The following CHSY3 variants were observed in gnomAD, a reference collection of about 807,000 sequenced individuals.
CHSY3 encodes the protein N-acetylgalactosaminyl-proteoglycan 3-beta-glucuronosyltransferase 3.
CHSY3 carries 35 observed loss-of-function variants against 67.2 expected under a neutral mutation model. The ratio of observed to expected loss-of-function variants is 0.52; its 90% CI spans 0.40 to 0.69. The LOEUF is 0.69. Ranked by LOEUF, CHSY3 falls within the 30% of genes least tolerant of loss-of-function variation. The pLI is 0.00. For synonymous variants in CHSY3, 474 were observed against 434.7 expected (o/e 1.09, Z -1.12); for missense variants, 1,069 against 1,138.5 (o/e 0.94, Z 0.88).
intron 2 of CHSY3, among the ~76,000 whole-genome samples, chr5:130,158,885 G>A (rs926708681): frequency 2.6e-5 from 4 of 151,948 alleles, no homozygotes; most frequent in South Asian, 2.1e-4. Context: ...CTGCAGCCTC[G>A]ACCTCCTAGG....
intron 2 of CHSY3, among the ~76,000 whole-genome samples, chr5:129,946,304 T>G (rs1344669717): frequency 6.6e-6 from 1 of 152,156 alleles, no homozygotes; most frequent in Non-Finnish European, 1.5e-5. Flanking sequence ...GTAAGCACAT[T>G]TCCAAAAAGG....
At chr5:130,100,353 T>C (rs1256698045) in intron 2 of CHSY3, among the ~76,000 whole-genome samples, 1 of 37,344 alleles carries the variant, frequency 2.7e-5, no homozygotes, top group Non-Finnish European at 4.8e-5. Flanking sequence ...CTTGGCTATT[T>C]TTTTTTTTTT....
At chr5:129,979,199 C>CAAAAAAAAAAAAAAAA (rs58584381) in intron 2 of CHSY3, among the ~76,000 whole-genome samples, 5 of 62,524 alleles carry the variant, frequency 8.0e-5, no homozygotes, top group Admixed American at 2.5e-4. Context: ...GACTCCGTCT[C>CAAAAAAAAAAAAAAAA]AAAAAAAAAA....
chr5:130,163,142 G>A (rs1426549026), intron 2 of CHSY3, among the ~76,000 whole-genome samples: 1 of 151,984 alleles, frequency 6.6e-6, no homozygotes, highest in African/African-American at 2.4e-5. Context: ...CAAAAGTAAT[G>A]TCTAAGTTAG....
In CHSY3 at chr5:130,185,605, A is replaced by C. The variant is rs777828440; in HGVS notation, c.2463A>C (p.Pro821=). The C allele has an allele frequency of 6.2e-6, 10 of 1,614,044 alleles. No homozygotes were observed. In the East Asian group the frequency reaches 2.2e-4, roughly 36 times the overall value. Residue 821 remains proline (P), a synonymous_variant, in exon 3 of 3, where the codon CCA becomes CCC. Coordinates refer to ENST00000305031, the MANE Select transcript of CHSY3 (RefSeq NM_175856.5). The part of the protein sequence containing the change: ...YNKVILSGLR[P]FRSQEVGVVH... ...AAGTCATTCTATCTGGCTTAAGGCC[A>C]TTCAGAAGCCAAGAAGTAGGAGTGG...
At chr5:130,025,681 G>C (rs140124211) in intron 2 of CHSY3, among the ~76,000 whole-genome samples, 191 of 152,148 alleles carry the variant, frequency 1.3e-3, no homozygotes, top group African/African-American at 4.5e-3. Flanking sequence ...ATAGACAGCT[G>C]TCTTTGGGCT....
At chr5:129,992,871 C>T (rs1763409777) in intron 2 of CHSY3, among the ~76,000 whole-genome samples, 1 of 152,140 alleles carries the variant, frequency 6.6e-6, no homozygotes. Flanking sequence ...AAGTTGTGTA[C>T]TAAAGCAGTA....
chr5:130,014,797 GC>G (rs1374655763), intron 2 of CHSY3, among the ~76,000 whole-genome samples: 1 of 152,066 alleles, frequency 6.6e-6, no homozygotes, highest in Non-Finnish European at 1.5e-5. Context: ...ATCAGCCCCA[GC>G]AAAAATTTCA....
At chr5:129,920,365 C>T (rs3961629) in intron 2 of CHSY3, among the ~76,000 whole-genome samples, 71 of 152,340 alleles carry the variant, frequency 4.7e-4, no homozygotes, top group African/African-American at 1.7e-3. Context: ...CCTGCCTCAG[C>T]CTCCTGAGTA....
rs115466627 is a variant in CHSY3, at chr5:129,939,865, C to G, written c.1086+31505C>G. 9.9e-3 allele frequency among the ~76,000 whole-genome samples: 1,514 copies of G among 152,208 alleles called. 24 individuals are homozygous for G. Among genetic ancestry groups the G allele is most frequent in the African/African-American group, 0.034 (1,429 of 41,544 alleles). Reference sequence around the variant, plus strand: ...TCTGAGGATATAAAGACATAATGATCAGACATATCTCAAAATTCTGATTAT... The same window carrying G: ...TCTGAGGATATAAAGACATAATGATGAGACATATCTCAAAATTCTGATTAT... On this transcript the variant is annotated intron_variant, in intron 2 of 2. Coordinates refer to ENST00000305031, the MANE Select transcript of CHSY3 (RefSeq NM_175856.5).
chr5:130,082,856 A>ATGTGTG lies in CHSY3; in HGVS notation c.1087-101371_1087-101366dup, dbSNP rs1470137748. On this transcript the variant is annotated intron_variant, in intron 2 of 2. Coordinates refer to ENST00000305031, the MANE Select transcript of CHSY3 (RefSeq NM_175856.5). ...CCTGAAATGTTGGAGCACTATATATATGTGTGTATATACATATATATGTAT... is the reference window on the plus strand; with the variant it reads ...CCTGAAATGTTGGAGCACTATATATATGTGTGTGTGTGTATATACATATATATGTAT... Among the ~76,000 whole-genome samples the ATGTGTG allele has an allele frequency of 1.6e-4, 25 of 151,824 alleles. No individual in the cohort carries two copies. The South Asian group carries it at 2.1e-3, about 13-fold the overall frequency.
At chr5:130,001,937 T>C in intron 2 of CHSY3, 3 of 840,848 alleles carry the variant, frequency 3.6e-6, no homozygotes, top group Non-Finnish European at 2.9e-6. Context: ...TCCTTTAAGA[T>C]GTTAATTAAT....
chr5:130,142,965 G>C (rs1276311722), intron 2 of CHSY3, among the ~76,000 whole-genome samples: 1 of 152,194 alleles, frequency 6.6e-6, no homozygotes, highest in East Asian at 1.9e-4. Flanking sequence ...AATGTATCTG[G>C]TACTCATTCT....
intron 2 of CHSY3, among the ~76,000 whole-genome samples, chr5:130,153,496 T>C (rs1769285557): frequency 1.3e-5 from 2 of 152,330 alleles, no homozygotes; most frequent in South Asian, 4.1e-4. Flanking sequence ...CCCATTTTTT[T>C]CACCTTTGAT....
chr5:130,098,052 A>G (rs1405141373), intron 2 of CHSY3, among the ~76,000 whole-genome samples: 1 of 152,130 alleles, frequency 6.6e-6, no homozygotes, highest in African/African-American at 2.4e-5. Context: ...GATGCCGTGT[A>G]TCCATTACTC....
chr5:130,091,224 G>T (rs1766872560), intron 2 of CHSY3, among the ~76,000 whole-genome samples: 1 of 151,956 alleles, frequency 6.6e-6, no homozygotes, highest in African/African-American at 2.4e-5. Flanking sequence ...CCATGATTCA[G>T]TCCTTTTAGT....
chr5:130,000,833 T>A (rs1763705566), intron 2 of CHSY3, among the ~76,000 whole-genome samples: 1 of 128,292 alleles, frequency 7.8e-6, no homozygotes, highest in Admixed American at 9.5e-5. Flanking sequence ...AGCCTTGACC[T>A]CCCAAAGTGC....
At chr5:130,090,739 C>T (rs1766849878) in intron 2 of CHSY3, among the ~76,000 whole-genome samples, 2 of 152,040 alleles carry the variant, frequency 1.3e-5, no homozygotes, top group Non-Finnish European at 2.9e-5. Context: ...GTTTGTTTCC[C>T]GTTAAGACTG....
At chr5:130,126,793 C>A (rs533484135) in intron 2 of CHSY3, among the ~76,000 whole-genome samples, 1 of 152,186 alleles carries the variant, frequency 6.6e-6, no homozygotes, top group South Asian at 2.1e-4. Context: ...ATAAAAGAGG[C>A]GCCTCTATAA....
Sources: gnomAD v4.1 joint callset for allele counts (sites outside exome capture counted in the v4.1 genomes callset) on GRCh38, gnomAD v4.1.1 for gene constraint, MANE v1.5 for transcripts, NCBI Gene and HGNC (gene_info 2026-07-23, HGNC 2026-07-21) for gene names.